Variants in PCDHGB6 observed in about 807,000 individuals in gnomAD.
PCDHGB6 encodes protocadherin gamma-B6.
PCDHGB6 carries 51 observed loss-of-function variants against 59.1 expected under a neutral mutation model. The ratio of observed to expected loss-of-function variants is 0.86; its 90% CI spans 0.69 to 1.09. PCDHGB6 has a LOEUF of 1.09. PCDHGB6 is among the 50% of genes least tolerant of loss of function. The pLI is 0.00. For missense variants in PCDHGB6, 1,148 were observed against 1,205.1 expected (o/e 0.95, Z 0.70); for synonymous variants, 466 against 495.1 (o/e 0.94, Z 0.78).
chr5:141,424,246 A>G (rs971050268), intron 1 of PCDHGB6: 2 of 154,772 alleles, frequency 1.3e-5, no homozygotes, highest in African/African-American at 4.8e-5. Context: ...GTGGCTGGTA[A>G]TATGCTTAGA....
At chr5:141,422,005 A>T in intron 1 of PCDHGB6, 1 of 1,609,814 alleles carries the variant, frequency 6.2e-7, no homozygotes, top group East Asian at 2.2e-5. Flanking sequence ...CAGCTCCGGA[A>T]CTCGGGTGCT....
In PCDHGB6 at chr5:141,477,279, C is replaced by T. The variant is rs2099408674; in HGVS notation, c.2419-17528C>T. ...GATGCTGGCGAGAACGGGCTGGTGA[C>T]CTGCGAAGTTCCACCGGGTCTCCCT... is the stretch of plus-strand genomic sequence containing the variant. On this transcript the variant is annotated intron_variant, in intron 1 of 3. Transcript: ENST00000520790. The surrounding 1 kb of genome is among the most constrained non-coding windows in gnomAD (Gnocchi z 4.9). 6.2e-7 allele frequency: 1 copy of T among 1,614,054 alleles called. No individual in the cohort carries two copies. Among genetic ancestry groups the T allele is most frequent in the Non-Finnish European group, 8.5e-7 (1 of 1,180,050 alleles).
In PCDHGB6 at chr5:141,491,409, G is replaced by T; in HGVS notation, c.2419-3398G>T. The T allele has an allele frequency of 6.8e-6, 11 of 1,614,118 alleles. No individual in the cohort carries two copies. Among genetic ancestry groups the T allele is most frequent in the Non-Finnish European group, 9.3e-6 (11 of 1,180,014 alleles). On this transcript the variant is annotated intron_variant, in intron 1 of 3. Coordinates refer to ENST00000520790, the MANE Select transcript of PCDHGB6 (RefSeq NM_018926.3). The surrounding 1 kb of genome is among the most constrained non-coding windows in gnomAD (Gnocchi z 6.9). ...AGTGCCTTCAGGGAAACGCAGACGG[G>T]GACGGGGGTGGAGGGCAGTGCTGCA...
chr5:141,448,543 G>C (rs1001667281), intron 1 of PCDHGB6, among the ~76,000 whole-genome samples: 3 of 151,988 alleles, frequency 2.0e-5, no homozygotes, highest in Admixed American at 6.6e-5. Context: ...CATTTCTTAT[G>C]CAAATATGTA....
rs529140572 is a variant in PCDHGB6 at position 141,408,186 on chromosome 5, G to A, written c.-17G>A. On this transcript the variant is annotated 5_prime_UTR_variant, in exon 1 of 4. Transcript: ENST00000520790. ...CCAACTGGAAAAGCGGGGACCCAGC[G>A]AGAACCCGAGCGAACGATGGGAGGG... is the stretch of plus-strand genomic sequence containing the variant. The A allele has an allele frequency of 1.7e-4, 266 of 1,542,242 alleles. No individual in the cohort carries two copies. The highest frequency in any genetic ancestry group is 2.2e-4 in the Non-Finnish European group (254 of 1,141,518).
At position 141,486,609 on chromosome 5, in the gene PCDHGB6, C is replaced by T; in HGVS notation, c.2419-8198C>T. The T allele has an allele frequency of 6.2e-7, 1 of 1,613,568 alleles. No homozygotes were observed. ...GGGGACCTGCTTTGCTCCCTTGCAG[C>T]CTCTGACCCAGACTCTGGCTTGAAT... On this transcript the variant is annotated intron_variant, in intron 1 of 3. Transcript: ENST00000520790. The surrounding 1 kb of genome is among the most constrained non-coding windows in gnomAD (Gnocchi z 5.0).
chr5:141,494,977 T>C, intron 2 of PCDHGB6, 112 bp downstream of exon 2: 1 of 1,574,332 alleles, frequency 6.4e-7, no homozygotes, highest in East Asian at 2.3e-5. Context: ...TCTCCCTCAG[T>C]TTGAGATCCC....
chr5:141,433,064 A>T, intron 1 of PCDHGB6: 1 of 1,614,064 alleles, frequency 6.2e-7, no homozygotes, highest in Non-Finnish European at 8.5e-7. Context: ...GAGTCACCTG[A>T]TCTTCCCCCA....
chr5:141,477,607 G>A lies in PCDHGB6; in HGVS notation c.2419-17200G>A, dbSNP rs1223703956. ...ATGCTCGGCTTTCTTTCTTTCTCTT[G>A]GAGCAAGGAGCTGAAACCGGGCTAG... is the stretch of plus-strand genomic sequence containing the variant. On this transcript the variant is annotated intron_variant, in intron 1 of 3. Coordinates refer to ENST00000520790, the MANE Select transcript of PCDHGB6 (RefSeq NM_018926.3). The surrounding 1 kb of genome is among the most constrained non-coding windows in gnomAD (Gnocchi z 4.9). 2 of 1,614,028 alleles carry A rather than the reference G, an allele frequency of 1.2e-6. No individual in the cohort carries two copies. The highest frequency in any genetic ancestry group is 3.3e-5 in the Admixed American group (2 of 60,000).
chr5:141,409,948 A>G lies in PCDHGB6; in HGVS notation c.1746A>G (p.Ala582=). 6.2e-7 allele frequency: 1 copy of G among 1,613,348 alleles called. No homozygotes were observed. The highest frequency in any genetic ancestry group is 1.1e-5 in the South Asian group (1 of 91,080). Residue 582 remains alanine, a synonymous_variant, in exon 1 of 4, where the codon GCA becomes GCG. Coordinates refer to ENST00000520790, the MANE Select transcript of PCDHGB6 (RefSeq NM_018926.3). ...SAFFDMVPRS[A]EPGYLVTKVV... Reference sequence around the variant, plus strand: ...TCTTCGATATGGTACCTCGCTCTGCAGAGCCCGGCTACCTAGTGACTAAGG... The same window carrying G: ...TCTTCGATATGGTACCTCGCTCTGCGGAGCCCGGCTACCTAGTGACTAAGG...
chr5:141,423,141 G>C, intron 1 of PCDHGB6: 1 of 1,613,580 alleles, frequency 6.2e-7, no homozygotes, highest in Non-Finnish European at 8.5e-7. Flanking sequence ...ACAGAGACGC[G>C]CTCAAGCAGA....
chr5:141,462,999 C>T (rs1360054048), intron 1 of PCDHGB6, among the ~76,000 whole-genome samples: 1 of 152,068 alleles, frequency 6.6e-6, no homozygotes, highest in Non-Finnish European at 1.5e-5. Flanking sequence ...TAATTTAGAC[C>T]TACCACTTAA....
At position 141,493,093 on chromosome 5, in the gene PCDHGB6, A is replaced by G. The variant is rs78102761; in HGVS notation, c.2419-1714A>G. On this transcript the variant is annotated intron_variant, in intron 1 of 3. Transcript: ENST00000520790. The surrounding 1 kb of genome is among the most constrained non-coding windows in gnomAD (Gnocchi z 4.3). ...CTCCAACTCCAGGAGCTTTTATTCA[A>G]AATATATCAATGCCTAACTCTGCTC... 0.034 allele frequency among the ~76,000 whole-genome samples: 5,198 copies of G among 152,282 alleles called. 159 individuals carry two copies. Among genetic ancestry groups the G allele is most frequent in the African/African-American group, 0.079 (3,275 of 41,546 alleles).
In PCDHGB6 at chr5:141,409,924, C is replaced by A. The variant is rs760490649; in HGVS notation, c.1722C>A (p.Phe574Leu). The change falls in exon 1 of 4, where the codon TTC becomes TTA. Residue 574 changes from phenylalanine (F) to leucine (L), a missense_variant. Phe to Leu is a conservative substitution (Grantham distance 22). Coordinates refer to ENST00000520790, the MANE Select transcript of PCDHGB6 (RefSeq NM_018926.3). ...YPALGPDGSA[F>L]FDMVPRSAEP... is the part of the protein sequence containing the mutation. The stretch of plus-strand genomic sequence containing the variant: ...CTCTGGGTCCTGACGGCTCCGCGTT[C>A]TTCGATATGGTACCTCGCTCTGCAG... The A allele has an allele frequency of 6.2e-7, 1 of 1,613,416 alleles. No individual in the cohort carries two copies. The highest frequency in any genetic ancestry group is 1.7e-5 in the Admixed American group (1 of 60,014).
chr5:141,500,189 TTTA>T (rs780229863), intron 2 of PCDHGB6, among the ~76,000 whole-genome samples: 5,656 of 110,928 alleles, frequency 0.051, 122 homozygotes, highest in Middle Eastern at 0.14. Context: ...TTTATTTTTA[TTTA>T]TTTATTTATT....
intron 1 of PCDHGB6, among the ~76,000 whole-genome samples, chr5:141,447,143 T>G (rs1484774611): frequency 2.6e-5 from 4 of 152,132 alleles, no homozygotes; most frequent in Admixed American, 6.6e-5. Flanking sequence ...TTGTTTTTTG[T>G]TTTTGTTTTT....
chr5:141,413,816 T>A (rs1422730893), intron 1 of PCDHGB6: 1 of 1,613,128 alleles, frequency 6.2e-7, no homozygotes, highest in Non-Finnish European at 8.5e-7. Flanking sequence ...ATTCACCACC[T>A]GGTCCTCACC....
intron 1 of PCDHGB6, chr5:141,478,905 G>T (rs1593970684): frequency 1.1e-6 from 1 of 930,214 alleles, no homozygotes; most frequent in East Asian, 2.7e-5. Flanking sequence ...GGAATAAGCT[G>T]CTGGATACCT....
intron 1 of PCDHGB6, among the ~76,000 whole-genome samples, chr5:141,451,072 C>A (rs2098705989): frequency 6.6e-6 from 1 of 152,026 alleles, no homozygotes; most frequent in African/African-American, 2.4e-5. Context: ...TTGTGATCCA[C>A]CCACCTTGAC....
Sources: gnomAD v4.1 joint callset for allele counts (sites outside exome capture counted in the v4.1 genomes callset) on GRCh38, gnomAD v4.1.1 for gene constraint, Gnocchi (gnomAD v3.1) non-coding constraint, MANE v1.5 for transcripts, NCBI Gene and HGNC (gene_info 2026-07-23, HGNC 2026-07-21) for gene names.